The following RASAL2 variants were observed in gnomAD, a reference collection of about 807,000 sequenced individuals.
The protein encoded by RASAL2 is RAS protein activator like 2, also known as ras GTPase-activating protein nGAP.
A neutral mutation model predicts 128.9 loss-of-function variants in RASAL2; 58 were observed. The observed-to-expected ratio is 0.45, with a 90% confidence interval of 0.36 to 0.56. RASAL2 has a LOEUF of 0.56. Among genes scored for constraint, RASAL2 ranks in the 20% least tolerant of loss-of-function variants. The pLI, the probability that RASAL2 is intolerant of heterozygous loss-of-function variation, is 0.00. For synonymous variants in RASAL2, 561 were observed against 580.8 expected (o/e 0.97, Z 0.49); for missense variants, 1,360 against 1,601.6 (o/e 0.85, Z 2.57).
chr1:178,371,345 C>CACAAAT (rs1428952388), intron 3 of RASAL2, among the ~76,000 whole-genome samples: 4,749 of 145,546 alleles, frequency 0.033, 257 homozygotes, highest in African/African-American at 0.12. Flanking sequence ...CACACACACA[C>CACAAAT]ACACACAAAT....
At chr1:178,241,084 TA>T in intron 1 of RASAL2, among the ~76,000 whole-genome samples, 1 of 152,140 alleles carries the variant, frequency 6.6e-6, no homozygotes, top group Middle Eastern at 3.4e-3. Flanking sequence ...GATTTATAAA[TA>T]AAATTTTAAA....
intron 1 of RASAL2, among the ~76,000 whole-genome samples, chr1:178,247,200 C>CT (rs1042288257): frequency 3.3e-5 from 5 of 151,794 alleles, no homozygotes; most frequent in South Asian, 2.1e-4. Flanking sequence ...TGGTCCTGGG[C>CT]TTTTTTTTGT....
chr1:178,243,233 T>C (rs942324163), intron 1 of RASAL2, among the ~76,000 whole-genome samples: 2 of 152,204 alleles, frequency 1.3e-5, no homozygotes, highest in African/African-American at 4.8e-5. Context: ...TATTTTTGTC[T>C]GCTTAGTTTA....
intron 5 of RASAL2, among the ~76,000 whole-genome samples, chr1:178,423,203 A>G (rs1045491150): frequency 6.6e-6 from 1 of 152,080 alleles, no homozygotes; most frequent in East Asian, 1.9e-4. Context: ...TCACTTCTCT[A>G]TTGATGGATA....
chr1:178,396,624 A>G (rs945242695), intron 4 of RASAL2, among the ~76,000 whole-genome samples: 1 of 152,154 alleles, frequency 6.6e-6, no homozygotes, highest in South Asian at 2.1e-4. Context: ...CTGGTAAACA[A>G]TAATACCCTT....
At position 178,445,558 on chromosome 1, in the gene RASAL2, G is replaced by A; in HGVS notation, c.1523G>A (p.Cys508Tyr). ...TTGGTGATGTCTGAGGTGGATCGTT[G>A]TGGAGAGCATGATGTCTTGATCTTC... ...TDLVMSEVDR[C>Y]GEHDVLIFRE... Residue 508 changes from cysteine to tyrosine, a missense_variant, in exon 9 of 18, where the codon TGT becomes TAT. By Grantham distance (194) the Cys-to-Tyr change is radical (BLOSUM62 -2). Around this residue, in one of 3 missense-constraint regions of RASAL2, gnomAD observed 617 missense variants for 714.2 expected, o/e 0.86. Coordinates refer to ENST00000367649, the MANE Select transcript of RASAL2 (RefSeq NM_170692.4). The A allele has an allele frequency of 1.2e-6, 2 of 1,613,822 alleles. No homozygotes were observed. Among genetic ancestry groups the A allele is most frequent in the Non-Finnish European group, 1.7e-6 (2 of 1,179,758 alleles).
In RASAL2 at chr1:178,458,189, G is replaced by T; in HGVS notation, c.2897G>T (p.Gly966Val). The T allele has an allele frequency of 6.2e-7, 1 of 1,614,202 alleles. No individual in the cohort carries two copies. The highest frequency in any genetic ancestry group is 8.5e-7 in the Non-Finnish European group (1 of 1,180,044). ...AACAGTGAAGACTTCAAGCTCAGTG[G>T]ACCCAGCAATAGCAGCATGGAAGAT... is the stretch of plus-strand genomic sequence containing the variant. Reference protein sequence around the residue: ...QSNSEDFKLSGPSNSSMEDFT... With the variant: ...QSNSEDFKLSVPSNSSMEDFT... The change falls in exon 14 of 18, where the codon GGA (glycine) becomes GTA (valine). Residue 966 changes from glycine (G) to valine (V), a missense_variant. Physicochemically the swap from Gly to Val is moderately radical, Grantham distance 109. Coordinates refer to ENST00000367649, the MANE Select transcript of RASAL2 (RefSeq NM_170692.4).
intron 1 of RASAL2, among the ~76,000 whole-genome samples, chr1:178,187,455 T>C (rs907544603): frequency 8.5e-5 from 13 of 152,170 alleles, no homozygotes; most frequent in Admixed American, 7.9e-4. Context: ...TTTTATAGTC[T>C]TTCCTAATTC....
At chr1:178,212,501 T>C (rs1201765861) in intron 1 of RASAL2, among the ~76,000 whole-genome samples, 1 of 152,128 alleles carries the variant, frequency 6.6e-6, no homozygotes, top group East Asian at 1.9e-4. Flanking sequence ...TTTTTTTTTC[T>C]GTTTTTTTGA....
At chr1:178,332,067 G>A (rs543655699) in intron 3 of RASAL2, among the ~76,000 whole-genome samples, 15 of 152,060 alleles carry the variant, frequency 9.9e-5, no homozygotes, top group African/African-American at 2.4e-4. Flanking sequence ...AATTTAAAAC[G>A]TGTCATAAAA....
chr1:178,438,881 C>CTGTGTG (rs3042589), intron 5 of RASAL2, among the ~76,000 whole-genome samples: 10,134 of 129,284 alleles, frequency 0.078, 505 homozygotes, highest in East Asian at 0.19. Flanking sequence ...AGCTTCGACT[C>CTGTGTG]TGTGTGTGTG....
chr1:178,305,932 C>G (rs1023279226), intron 3 of RASAL2, among the ~76,000 whole-genome samples: 1 of 152,094 alleles, frequency 6.6e-6, no homozygotes, highest in Non-Finnish European at 1.5e-5. Flanking sequence ...GATGAAAATC[C>G]AGAATTTTGT....
intron 1 of RASAL2, among the ~76,000 whole-genome samples, chr1:178,262,429 G>C (rs1665739910): frequency 6.6e-6 from 1 of 152,174 alleles, no homozygotes; most frequent in Non-Finnish European, 1.5e-5. Flanking sequence ...TAGGATTTAA[G>C]GCTTAATTTG....
intron 1 of RASAL2, among the ~76,000 whole-genome samples, chr1:178,190,768 GAATA>G (rs1196560600): frequency 2.4e-4 from 36 of 151,266 alleles, no homozygotes; most frequent in Non-Finnish European, 4.4e-4. Context: ...TATGTAGCCG[GAATA>G]AACAGTCACT....
intron 3 of RASAL2, among the ~76,000 whole-genome samples, chr1:178,309,547 T>C (rs952966017): frequency 1.3e-5 from 2 of 152,172 alleles, no homozygotes; most frequent in African/African-American, 4.8e-5. Flanking sequence ...TTCTTTGAAA[T>C]AAGATTTGGA....
rs986810781 is a variant in RASAL2 at position 178,314,465 on chromosome 1, A to G, written c.457+14347A>G. ...TGCCAGTGATCTGCATGAAAATGAA[A>G]TAAATAAAACATGATCTACAGGGTT... is the stretch of plus-strand genomic sequence containing the variant. On this transcript the variant is annotated intron_variant, in intron 3 of 17. Transcript: ENST00000367649. 3.9e-5 allele frequency among the ~76,000 whole-genome samples: 6 copies of G among 152,194 alleles called. No homozygotes were observed. In the South Asian group the frequency reaches 1.0e-3, roughly 26 times the overall value.
chr1:178,168,890 T>C (rs540674091), intron 1 of RASAL2, among the ~76,000 whole-genome samples: 1 of 152,252 alleles, frequency 6.6e-6, no homozygotes, highest in East Asian at 1.9e-4. Flanking sequence ...TTTTTGAACA[T>C]ATTTGATAAT....
intron 3 of RASAL2, among the ~76,000 whole-genome samples, chr1:178,355,778 T>C (rs1670770196): frequency 6.6e-6 from 1 of 151,978 alleles, no homozygotes; most frequent in Non-Finnish European, 1.5e-5. Context: ...AATAGAAAAA[T>C]GGGCAGAGAC....
At chr1:178,132,684 T>A (rs917277282) in intron 1 of RASAL2, among the ~76,000 whole-genome samples, 3 of 152,142 alleles carry the variant, frequency 2.0e-5, no homozygotes, top group Non-Finnish European at 2.9e-5. Flanking sequence ...TGGATTTTAT[T>A]TTTTCTAAGG....
Sources: allele counts gnomAD v4.1 joint callset (sites outside exome capture counted in the v4.1 genomes callset), GRCh38; gene constraint gnomAD v4.1.1; regional missense constraint gnomAD v4.1.1; transcripts MANE v1.5; gene names NCBI Gene and HGNC (gene_info 2026-07-23, HGNC 2026-07-21).